DIS3L: variants seen among roughly 807,000 people sequenced by gnomAD.
DIS3L encodes the protein DIS3-like exonuclease 1.
Under a neutral mutation model 120.3 loss-of-function variants are expected in DIS3L, and 100 were observed. The ratio of observed to expected loss-of-function variants is 0.83; its 90% CI spans 0.71 to 0.98. The LOEUF is 0.98. Among genes scored for constraint, DIS3L ranks in the 50% least tolerant of loss-of-function variants. The pLI, the probability that DIS3L is intolerant of heterozygous loss-of-function variation, is 0.00. For missense variants in DIS3L, 1,196 were observed against 1,314.2 expected, an observed-to-expected ratio of 0.91 and a Z score of 1.39; for synonymous variants, 426 against 470.6, an observed-to-expected ratio of 0.91 and a Z score of 1.23.
intron 6 of DIS3L, 79 bp from the exon 7 acceptor site, chr15:66,314,957 G>A (rs2092801604): frequency 2.1e-6 from 3 of 1,453,668 alleles, no homozygotes; most frequent in Non-Finnish European, 2.8e-6. Flanking sequence ...TAGACTTCGA[G>A]TATATCATGC....
chr15:66,314,643 C>T (rs1474635541), intron 6 of DIS3L, among the ~76,000 whole-genome samples: 6 of 152,186 alleles, frequency 3.9e-5, no homozygotes, highest in Admixed American at 2.6e-4. Flanking sequence ...AGCATTCCCC[C>T]TGTCGGTTCT....
chr15:66,311,050 T>TA (rs34815047), intron 4 of DIS3L, among the ~76,000 whole-genome samples: 97 of 88,558 alleles, frequency 1.1e-3, no homozygotes, highest in South Asian at 7.8e-3. Flanking sequence ...CCCTGTCCCT[T>TA]AAAAAAAAAA....
In DIS3L at chr15:66,308,698, T is replaced by C; in HGVS notation, c.423-11T>C. 1 of 1,605,650 alleles carries C rather than the reference T, an allele frequency of 6.2e-7. No homozygotes were observed. Among genetic ancestry groups the C allele is most frequent in the Non-Finnish European group, 8.5e-7 (1 of 1,174,266 alleles). ...GCCTGGGGAGAGCTCATGTGCCCTTTGCTTTTCCAGGAGCATATACAACGC... is the reference window on the plus strand; with the variant it reads ...GCCTGGGGAGAGCTCATGTGCCCTTCGCTTTTCCAGGAGCATATACAACGC... On this transcript the variant is annotated splice_polypyrimidine_tract_variant and intron_variant, in intron 3 of 16. Transcript: ENST00000319212.
At position 66,333,113 on chromosome 15, in the gene DIS3L, C is replaced by T; in HGVS notation, c.2966C>T (p.Ser989Phe). The T allele has an allele frequency of 6.2e-7, 1 of 1,613,286 alleles. No individual in the cohort carries two copies. The highest frequency in any genetic ancestry group is 2.2e-5 in the East Asian group (1 of 44,874). The change falls in exon 17 of 17, where the codon TCC (serine) becomes TTC (phenylalanine). Residue 989 changes from serine to phenylalanine, a missense_variant. Transcript: ENST00000319212. ...IPNTELIHQS[S>F]PLLKSELVKE... ...AATACAGAACTTATTCATCAGAGTT[C>T]CCCCTTGCTGAAGAGTGAGTTAGTG...
rs150875950 is a variant in DIS3L at position 66,323,577 on chromosome 15, C to T, written c.1659C>T (p.Gly553=). The change falls in exon 11 of 17, where the codon GGC becomes GGT. Residue 553 remains glycine, a synonymous_variant. Coordinates refer to ENST00000319212, the MANE Select transcript of DIS3L (RefSeq NM_001143688.3). The part of the protein sequence containing the change: ...LSADLCSLLG[G]VDRYAVSIMW... ...CAGATTTGTGTTCCCTTCTGGGAGG[C>T]GTTGATAGGTGAGTTTATGGCTTTT... The T allele has an allele frequency of 4.2e-4, 678 of 1,614,198 alleles. 4 individuals are homozygous for T. In the African/African-American group the frequency reaches 8.4e-3, roughly 20 times the overall value.
intron 3 of DIS3L, among the ~76,000 whole-genome samples, chr15:66,308,290 C>T (rs992444506): frequency 7.9e-5 from 12 of 152,206 alleles, no homozygotes; most frequent in African/African-American, 2.9e-4. Flanking sequence ...CCATATCAGA[C>T]CCTATTGGAT....
chr15:66,312,306 C>G (rs1336380334), intron 5 of DIS3L, among the ~76,000 whole-genome samples: 3 of 151,826 alleles, frequency 2.0e-5, no homozygotes, highest in African/African-American at 7.3e-5. Context: ...TCACAGGCTG[C>G]AAACAAGATG....
chr15:66,322,417 G>C (rs867531094), intron 9 of DIS3L, among the ~76,000 whole-genome samples: 4 of 152,252 alleles, frequency 2.6e-5, no homozygotes, highest in Middle Eastern at 6.8e-3. Context: ...TAGAAGTTGT[G>C]GGACATTTTC....
chr15:66,320,005 T>C (rs2092863968), intron 8 of DIS3L, among the ~76,000 whole-genome samples: 1 of 149,106 alleles, frequency 6.7e-6, no homozygotes, highest in African/African-American at 2.5e-5. Flanking sequence ...ACGCTTGTAA[T>C]CCTAGCTATG....
chr15:66,329,792 G>C, intron 14 of DIS3L: 2 of 923,438 alleles, frequency 2.2e-6, no homozygotes, highest in Non-Finnish European at 2.6e-6. Context: ...CGCGCCTGTA[G>C]TCCCAGTTAC....
chr15:66,314,392 A>G (rs1485624230), intron 6 of DIS3L, among the ~76,000 whole-genome samples: 1 of 152,226 alleles, frequency 6.6e-6, no homozygotes, highest in Admixed American at 6.5e-5. Flanking sequence ...TTTGTAGCCA[A>G]GGCAGTTTGG....
chr15:66,307,572 G>C (rs1208059537), intron 3 of DIS3L, among the ~76,000 whole-genome samples: 3 of 152,194 alleles, frequency 2.0e-5, no homozygotes, highest in Non-Finnish European at 4.4e-5. Flanking sequence ...AAAGTGCTGG[G>C]ATTATAGATG....
intron 2 of DIS3L, among the ~76,000 whole-genome samples, chr15:66,296,905 G>A (rs76149785): frequency 0.026 from 3,961 of 152,214 alleles, 58 homozygotes; most frequent in Non-Finnish European, 0.036. Flanking sequence ...ATTATGAAGC[G>A]CCTTAGACAC....
At chr15:66,297,636 G>A (rs977449335) in intron 2 of DIS3L, among the ~76,000 whole-genome samples, 2 of 152,102 alleles carry the variant, frequency 1.3e-5, no homozygotes, top group Admixed American at 1.3e-4. Flanking sequence ...ATTTAATGTT[G>A]GGGAACATTT....
chr15:66,329,873 C>T (rs1237549946), intron 14 of DIS3L: 1 of 979,812 alleles, frequency 1.0e-6, no homozygotes. Context: ...GATCACACCA[C>T]TGCACTCTAG....
At chr15:66,317,395 TG>T (rs1343759819) in intron 7 of DIS3L, among the ~76,000 whole-genome samples, 1 of 151,840 alleles carries the variant, frequency 6.6e-6, no homozygotes, top group Non-Finnish European at 1.5e-5. Flanking sequence ...TATTAAAGTT[TG>T]GTCTCGGCTT....
intron 2 of DIS3L, among the ~76,000 whole-genome samples, chr15:66,303,444 T>C (rs2092668662): frequency 6.6e-6 from 1 of 152,182 alleles, no homozygotes; most frequent in Admixed American, 6.5e-5. Flanking sequence ...CCCCAGGGCA[T>C]TCAGTGCAGC....
intron 1 of DIS3L, 136 bp downstream of exon 1, chr15:66,293,871 C>T (rs1368616120): frequency 2.3e-6 from 2 of 857,640 alleles, no homozygotes; most frequent in Non-Finnish European, 2.6e-6. Flanking sequence ...GCCCGCTCGC[C>T]GGCCTCACCC....
intron 12 of DIS3L, 196 bp downstream of exon 12, chr15:66,326,560 A>G (rs2092940462): frequency 9.4e-6 from 6 of 639,920 alleles, no homozygotes; most frequent in South Asian, 8.9e-5. Flanking sequence ...TTATTTAGGC[A>G]TAATTTTGTT....
Sources: allele counts gnomAD v4.1 joint callset (sites outside exome capture counted in the v4.1 genomes callset), GRCh38; gene constraint gnomAD v4.1.1; transcripts MANE v1.5; gene names NCBI Gene and HGNC (gene_info 2026-07-23, HGNC 2026-07-21).